Variants in FOXK2 observed in about 807,000 individuals in gnomAD.
FOXK2 encodes forkhead box protein K2.
FOXK2 carries 24 observed loss-of-function variants against 53.3 expected under a neutral mutation model. That is an observed-to-expected ratio of 0.45 (90% CI 0.33 to 0.63). FOXK2 has a LOEUF of 0.63. Among genes scored for constraint, FOXK2 ranks in the 30% least tolerant of loss-of-function variants. FOXK2 has a pLI of 0.03. For missense variants in FOXK2, 952 were observed against 910.5 expected (o/e 1.05, Z -0.59); for synonymous variants, 505 against 407.1 (o/e 1.24, Z -2.89).
At chr17:82,588,052 C>T (rs574811768) in intron 8 of FOXK2, among the ~76,000 whole-genome samples, 6 of 152,242 alleles carry the variant, frequency 3.9e-5, no homozygotes, top group Admixed American at 2.0e-4. Context: ...GAATCCTTAC[C>T]GAACGCTACG....
chr17:82,553,871 G>A (rs748629289), intron 1 of FOXK2, among the ~76,000 whole-genome samples: 1 of 151,980 alleles, frequency 6.6e-6, no homozygotes, highest in East Asian at 1.9e-4. Context: ...GTCTTGCTCT[G>A]TTGCCAGGCT....
intron 1 of FOXK2, among the ~76,000 whole-genome samples, chr17:82,540,707 GTC>G (rs2044566899): frequency 6.6e-6 from 1 of 152,088 alleles, no homozygotes; most frequent in African/African-American, 2.4e-5. Flanking sequence ...CCCTATATCT[GTC>G]TCTCAGTGCC....
intron 4 of FOXK2, among the ~76,000 whole-genome samples, chr17:82,580,168 G>A (rs867546521): frequency 1.9e-5 from 1 of 53,098 alleles, no homozygotes; most frequent in Non-Finnish European, 3.6e-5. Context: ...CCATGTCGCC[G>A]GTGAAGTAGC....
In FOXK2 at chr17:82,584,100, T is replaced by A. The variant is rs371497720; in HGVS notation, c.1191T>A (p.Gly397=). Residue 397 remains glycine, a synonymous_variant, in exon 6 of 9, where the codon GGT becomes GGA. Transcript: ENST00000335255. ...CCCCTGAGAGCCTGTCGAGGGAAGG[T>A]TCGCCGGCCCCCCTGGAGCCTGAGC... ...AQTPESLSRE[G]SPAPLEPEPG... 1.9e-6 allele frequency: 3 copies of A among 1,611,416 alleles called. No individual in the cohort carries two copies. The African/African-American group carries it at 4.0e-5, about 21-fold the overall frequency.
chr17:82,568,464 G>T (rs989702576), intron 3 of FOXK2, among the ~76,000 whole-genome samples: 1 of 152,230 alleles, frequency 6.6e-6, no homozygotes, highest in African/African-American at 2.4e-5. Context: ...GGCAGACAGC[G>T]GAAGATGGAG....
chr17:82,549,870 G>C (rs911515385), intron 1 of FOXK2, among the ~76,000 whole-genome samples: 2 of 152,178 alleles, frequency 1.3e-5, no homozygotes, highest in Non-Finnish European at 2.9e-5. Flanking sequence ...TAACATGTGG[G>C]GTCCAGTGCA....
At chr17:82,551,500 A>G (rs1164576716) in intron 1 of FOXK2, among the ~76,000 whole-genome samples, 2 of 151,684 alleles carry the variant, frequency 1.3e-5, no homozygotes, top group Non-Finnish European at 2.9e-5. Flanking sequence ...TCATGGTGAA[A>G]CCCTGTCTGT....
intron 1 of FOXK2, among the ~76,000 whole-genome samples, chr17:82,538,466 C>G (rs193045532): frequency 2.0e-5 from 3 of 152,220 alleles, no homozygotes; most frequent in Non-Finnish European, 4.4e-5. Context: ...ACCTGGGTGA[C>G]AGACCAAGAT....
At chr17:82,564,469 TAA>T (rs2044832438) in intron 2 of FOXK2, among the ~76,000 whole-genome samples, 1 of 151,944 alleles carries the variant, frequency 6.6e-6, no homozygotes, top group African/African-American at 2.4e-5. Context: ...CTCCTGGACT[TAA>T]GTGATCCTCC....
chr17:82,541,883 ATTT>A (rs557786535), intron 1 of FOXK2, among the ~76,000 whole-genome samples: 1 of 141,516 alleles, frequency 7.1e-6, no homozygotes. Flanking sequence ...AGCTAATTAA[ATTT>A]TTTTTTTTTT....
At chr17:82,591,040 C>T (rs2045248561) in intron 8 of FOXK2, among the ~76,000 whole-genome samples, 2 of 152,270 alleles carry the variant, frequency 1.3e-5, no homozygotes. Context: ...TTGGCCCCTG[C>T]GTGTGTCGTG....
chr17:82,567,345 C>T (rs1193830881), intron 2 of FOXK2, among the ~76,000 whole-genome samples: 1 of 152,220 alleles, frequency 6.6e-6, no homozygotes, highest in African/African-American at 2.4e-5. Flanking sequence ...AGCTCCTTGA[C>T]TTACCAGAAA....
intron 1 of FOXK2, among the ~76,000 whole-genome samples, chr17:82,540,709 C>G (rs1208316093): frequency 1.3e-5 from 2 of 152,178 alleles, no homozygotes; most frequent in Non-Finnish European, 2.9e-5. Flanking sequence ...CTATATCTGT[C>G]TCTCAGTGCC....
At chr17:82,534,320 T>C (rs2044500612) in intron 1 of FOXK2, among the ~76,000 whole-genome samples, 1 of 152,172 alleles carries the variant, frequency 6.6e-6, no homozygotes, top group African/African-American at 2.4e-5. Flanking sequence ...ACAAAATTTC[T>C]TGTGATTGAA....
chr17:82,543,827 A>T lies in FOXK2; in HGVS notation c.420-19527A>T, dbSNP rs562285234. ...AGTCTTCTTCTGTCACCCAGGCTGGAGTGCAGTGGCGCAATCTTGGCTCAT... is the reference window on the plus strand; with the variant it reads ...AGTCTTCTTCTGTCACCCAGGCTGGTGTGCAGTGGCGCAATCTTGGCTCAT... On this transcript the variant is annotated intron_variant, in intron 1 of 8. Coordinates refer to ENST00000335255, the MANE Select transcript of FOXK2 (RefSeq NM_004514.4). 2.9e-4 allele frequency among the ~76,000 whole-genome samples: 39 copies of T among 134,492 alleles called. 1 individual carries two copies. The East Asian group carries it at 8.1e-3, about 28-fold the overall frequency. 88.2% of individuals were successfully genotyped at this position (134,492 alleles called of 152,430 possible).
chr17:82,589,503 CCTTT>C (rs779187224), intron 8 of FOXK2, among the ~76,000 whole-genome samples: 10 of 152,282 alleles, frequency 6.6e-5, no homozygotes, highest in Non-Finnish European at 1.0e-4. Flanking sequence ...ACTGAAGATG[CCTTT>C]CTTAGTGTAT....
chr17:82,554,396 T>G (rs895978134), intron 1 of FOXK2, among the ~76,000 whole-genome samples: 1 of 152,164 alleles, frequency 6.6e-6, no homozygotes, highest in African/African-American at 2.4e-5. Flanking sequence ...CTCCAGACCA[T>G]TGGCCTGCAC....
intron 8 of FOXK2, among the ~76,000 whole-genome samples, chr17:82,595,249 G>T (rs1414970807): frequency 6.6e-6 from 1 of 152,146 alleles, no homozygotes; most frequent in African/African-American, 2.4e-5. Flanking sequence ...CTTGTGACAG[G>T]TAATAGTGGA....
intron 3 of FOXK2, among the ~76,000 whole-genome samples, chr17:82,570,874 G>T (rs1305886937): frequency 6.6e-6 from 1 of 152,200 alleles, no homozygotes; most frequent in Non-Finnish European, 1.5e-5. Context: ...GCCAGGACCA[G>T]GGATGCCAGC....
Sources: allele counts gnomAD v4.1 joint callset (sites outside exome capture counted in the v4.1 genomes callset), GRCh38; gene constraint gnomAD v4.1.1; transcripts MANE v1.5; gene names NCBI Gene and HGNC (gene_info 2026-07-23, HGNC 2026-07-21).